Variants in ADCY9 observed in about 807,000 individuals in gnomAD.
ADCY9 encodes the protein adenylate cyclase type 9.
Under a neutral mutation model 101.5 loss-of-function variants are expected in ADCY9, and 50 were observed. That is an observed-to-expected ratio of 0.49 (90% confidence interval 0.39 to 0.62). The LOEUF is 0.62. Among genes scored for constraint, ADCY9 ranks in the 20% least tolerant of loss-of-function variants. The probability of loss-of-function intolerance (pLI) is 0.00; values close to 1 mark genes in which losing one functional copy is unlikely to be tolerated. For missense variants in ADCY9, 1,662 were observed against 1,800.4 expected, an observed-to-expected ratio of 0.92 and a Z score of 1.39; for synonymous variants, 905 against 769.3, an observed-to-expected ratio of 1.18 and a Z score of -2.92.
In ADCY9 at chr16:4,115,587, C is replaced by A. The variant is rs999832121; in HGVS notation, c.-43-102G>T. On this transcript the variant is annotated intron_variant, in intron 1 of 10. Transcript: ENST00000294016. The surrounding 1 kb of genome is among the most constrained non-coding windows in gnomAD (Gnocchi z 6.2). ...CCTAAGGGGCGGCTCCAGCACGCGA[C>A]CTGGACAGGCACCATCTGTTCCTGT... The A allele has an allele frequency of 7.3e-6, 7 of 961,550 alleles. No individual in the cohort carries two copies. In the African/African-American group the frequency reaches 9.9e-5, roughly 14 times the overall value. The allele number at this position is 961,550 out of a possible 1,614,324, so 59.6% of individuals were successfully genotyped here.
chr16:4,088,476 G>T (rs75090912), intron 2 of ADCY9, among the ~76,000 whole-genome samples: 5,641 of 152,012 alleles, frequency 0.037, 364 homozygotes, highest in African/African-American at 0.13. Context: ...ATTTTGCAGC[G>T]ACAGGATTTC....
At chr16:4,010,863 G>T (rs1181548433) in intron 2 of ADCY9, among the ~76,000 whole-genome samples, 3 of 152,174 alleles carry the variant, frequency 2.0e-5, no homozygotes, top group Non-Finnish European at 2.9e-5. Context: ...ATGGGATCAG[G>T]CGCCTGCATA....
intron 2 of ADCY9, among the ~76,000 whole-genome samples, chr16:4,039,151 C>G (rs1159971408): frequency 6.6e-6 from 1 of 152,178 alleles, no homozygotes; most frequent in Non-Finnish European, 1.5e-5. Context: ...AGCAGAGACT[C>G]TAACGTGGCA....
intron 2 of ADCY9, among the ~76,000 whole-genome samples, chr16:4,086,019 C>T (rs973308830): frequency 2.6e-5 from 4 of 151,934 alleles, no homozygotes; most frequent in Non-Finnish European, 4.4e-5. Context: ...AAAGACTCCG[C>T]TAATGTGTAG....
intron 2 of ADCY9, among the ~76,000 whole-genome samples, chr16:4,100,316 T>C (rs1271077285): frequency 6.6e-6 from 1 of 152,078 alleles, no homozygotes. Flanking sequence ...TTACTCAGTC[T>C]CAGGTAGCAT....
At chr16:4,016,752 C>A (rs1260878739) in intron 2 of ADCY9, among the ~76,000 whole-genome samples, 1 of 152,158 alleles carries the variant, frequency 6.6e-6, no homozygotes, top group Non-Finnish European at 1.5e-5. Context: ...AGGTGATCCC[C>A]TTTATATGAA....
downstream of ADCY9, among the ~76,000 whole-genome samples, chr16:3,958,391 T>C (rs1320864297): frequency 6.6e-6 from 1 of 151,476 alleles, no homozygotes; most frequent in Non-Finnish European, 1.5e-5. Flanking sequence ...ATACAAAAAA[T>C]TAGCCGGGTG....
Position 4,114,105 on chromosome 16 carries a change from G to A in ADCY9, c.1338C>T (p.Tyr446=), listed in dbSNP as rs2057131401. 1.2e-6 allele frequency: 2 copies of A among 1,613,878 alleles called. No individual in the cohort carries two copies. Among genetic ancestry groups the A allele is most frequent in the Non-Finnish European group, 1.7e-6 (2 of 1,180,040 alleles). Residue 446 remains tyrosine (Y), a synonymous_variant, in exon 2 of 11, where the codon TAC becomes TAT. Transcript: ENST00000294016. This position sits in a 1 kb window ranked among gnomAD's most constrained non-coding sequence, Gnocchi z 4.3. ...GGGGCTCGGGACAGCCCGCCACGCA[G>A]TAGTAACAGTCTCCCAGGGTGCTGA... is the stretch of plus-strand genomic sequence containing the variant. The part of the protein sequence containing the change: ...EKISTLGDCY[Y]CVAGCPEPRA...
intron 3 of ADCY9, among the ~76,000 whole-genome samples, chr16:4,006,782 C>G (rs1453072071): frequency 6.6e-6 from 1 of 152,140 alleles, no homozygotes; most frequent in Non-Finnish European, 1.5e-5. Context: ...GCGCCAATTC[C>G]CTGGTAGTTT....
At chr16:4,089,811 C>G (rs1208304395) in intron 2 of ADCY9, among the ~76,000 whole-genome samples, 1 of 152,040 alleles carries the variant, frequency 6.6e-6, no homozygotes, top group East Asian at 1.9e-4. Context: ...GCCAAGGTGG[C>G]TTCCAAAGAG....
intron 2 of ADCY9, among the ~76,000 whole-genome samples, chr16:4,027,688 C>A (rs1050917668): frequency 6.6e-6 from 1 of 152,070 alleles, no homozygotes; most frequent in Non-Finnish European, 1.5e-5. Context: ...ACCAGCCTGG[C>A]CAACATGGTG....
chr16:4,069,065 G>C (rs953772770), intron 2 of ADCY9, among the ~76,000 whole-genome samples: 1 of 151,960 alleles, frequency 6.6e-6, no homozygotes, highest in Non-Finnish European at 1.5e-5. Context: ...GAAAGGACTT[G>C]GTCAAATGGC....
At chr16:3,977,388 G>C (rs755725221) in intron 9 of ADCY9, 94 bp downstream of exon 9, 9 of 1,453,722 alleles carry the variant, frequency 6.2e-6, no homozygotes, top group Non-Finnish European at 8.3e-6. Context: ...CTATCGGGGC[G>C]TGAGAAGCAA....
At chr16:4,083,583 T>C (rs1244880773) in intron 2 of ADCY9, among the ~76,000 whole-genome samples, 2 of 152,180 alleles carry the variant, frequency 1.3e-5, no homozygotes, top group East Asian at 1.9e-4. Context: ...CTATTCATCA[T>C]AGTCAAAAAG....
intron 2 of ADCY9, among the ~76,000 whole-genome samples, chr16:4,107,369 G>C (rs1261440173): frequency 2.0e-5 from 3 of 152,078 alleles, no homozygotes; most frequent in South Asian, 4.2e-4. Flanking sequence ...TGGCCTACAT[G>C]GTGAAACCCC....
At chr16:3,958,440 T>G (rs2055919350), downstream of ADCY9, among the ~76,000 whole-genome samples, 1 of 146,970 alleles carries the variant, frequency 6.8e-6, no homozygotes, top group African/African-American at 2.5e-5. Flanking sequence ...CTGGGGAGGC[T>G]GAGGCAGAAG....
intron 2 of ADCY9, among the ~76,000 whole-genome samples, chr16:4,046,059 C>T (rs750343205): frequency 4.0e-5 from 6 of 151,866 alleles, no homozygotes; most frequent in East Asian, 3.9e-4. Flanking sequence ...CTATGTTTCC[C>T]GGGCTGGCCT....
At chr16:4,100,483 C>T (rs537326760) in intron 2 of ADCY9, among the ~76,000 whole-genome samples, 2 of 152,168 alleles carry the variant, frequency 1.3e-5, no homozygotes, top group African/African-American at 4.8e-5. Flanking sequence ...GCGTATGCCA[C>T]CACGCCTGGC....
chr16:3,968,269 T>C (rs1393737066), intron 10 of ADCY9, among the ~76,000 whole-genome samples: 1 of 151,702 alleles, frequency 6.6e-6, no homozygotes, highest in African/African-American at 2.4e-5. Flanking sequence ...AGTAGCTGGG[T>C]TCACAGACAT....
Sources: gnomAD v4.1 joint callset for allele counts (sites outside exome capture counted in the v4.1 genomes callset) on GRCh38, gnomAD v4.1.1 for gene constraint, Gnocchi (gnomAD v3.1) non-coding constraint, MANE v1.5 for transcripts, NCBI Gene and HGNC (gene_info 2026-07-23, HGNC 2026-07-21) for gene names.